APAF1: variants seen among roughly 807,000 people sequenced by gnomAD.
APAF1 encodes the protein apoptotic peptidase activating factor 1, also known as apoptotic protease-activating factor 1.
In APAF1, 91 loss-of-function variants were observed where a neutral mutation model predicts 152.4. That is an observed-to-expected ratio of 0.60 (90% confidence interval 0.50 to 0.71). The LOEUF (loss-of-function observed/expected upper bound fraction) is 0.71. Among genes scored for constraint, APAF1 ranks in the 30% least tolerant of loss-of-function variants. The pLI is 0.00. For missense variants in APAF1, 1,283 were observed against 1,472.0 expected (o/e 0.87, Z 2.10); for synonymous variants, 484 against 494.1 (o/e 0.98, Z 0.27).
intron 2 of APAF1, 43 bp downstream of exon 2, chr12:98,648,540 A>G (rs754208779): frequency 1.1e-5 from 18 of 1,609,206 alleles, no homozygotes; most frequent in Non-Finnish European, 1.5e-5. Flanking sequence ...AAAAATTTTT[A>G]GAATTTCAGA....
At position 98,671,079 on chromosome 12, in the gene APAF1, A is replaced by G. The variant is rs762479508; in HGVS notation, c.1601A>G (p.Asp534Gly). ...TTTGTGGAATACAGACATATACTAG[A>G]TGAAAAGGTATATATATTAACATGA... Reference protein sequence around the residue: ...HEFVEYRHILDEKDCAVSENF... With the variant: ...HEFVEYRHILGEKDCAVSENF... The change falls in exon 11 of 27, where the codon GAT becomes GGT. Residue 534 changes from aspartate to glycine, a missense_variant. Coordinates refer to ENST00000551964, the MANE Select transcript of APAF1 (RefSeq NM_181861.2). 6.4e-7 allele frequency: 1 copy of G among 1,558,478 alleles called. No individual in the cohort carries two copies. The highest frequency in any genetic ancestry group is 1.7e-5 in the Admixed American group (1 of 59,744).
chr12:98,722,626 C>T (rs912471313), intron 22 of APAF1, among the ~76,000 whole-genome samples: 2 of 152,102 alleles, frequency 1.3e-5, no homozygotes, highest in Non-Finnish European at 2.9e-5. Context: ...TTCCTTATGT[C>T]TGAGGAGCTC....
chr12:98,666,728 A>G (rs2097673270), intron 9 of APAF1, among the ~76,000 whole-genome samples: 1 of 152,108 alleles, frequency 6.6e-6, no homozygotes, highest in Non-Finnish European at 1.5e-5. Flanking sequence ...TTTGTACAGT[A>G]TACCCAAATT....
At position 98,671,601 on chromosome 12, in the gene APAF1, C is replaced by T; in HGVS notation, c.1675C>T (p.Pro559Ser). Residue 559 changes from proline to serine, a missense_variant, in exon 12 of 27, where the codon CCA becomes TCA. Pro to Ser is a moderately conservative substitution (Grantham distance 74, BLOSUM62 -1). Coordinates refer to ENST00000551964, the MANE Select transcript of APAF1 (RefSeq NM_181861.2). Reference sequence around the variant, plus strand: ...AAATGGACACCTTCTTGGACGACAGCCATTTCCTAATATTGTACAACTGGG... The same window carrying T: ...AAATGGACACCTTCTTGGACGACAGTCATTTCCTAATATTGTACAACTGGG... ...SLNGHLLGRQPFPNIVQLGLC... is the reference protein window; with the variant it reads ...SLNGHLLGRQSFPNIVQLGLC... 1 of 1,613,866 alleles carries T rather than the reference C, an allele frequency of 6.2e-7. No individual in the cohort carries two copies.
Position 98,703,450 on chromosome 12 carries a change from C to T in APAF1, c.2546C>T (p.Ser849Phe), listed in dbSNP as rs757781136. ...AGCACCATCCAGTACTGTGACTTCTCCCCACAAAACCATTTGGCAGTGGTT... is the reference window on the plus strand; with the variant it reads ...AGCACCATCCAGTACTGTGACTTCTTCCCACAAAACCATTTGGCAGTGGTT... ...HHSTIQYCDFSPQNHLAVVAL... is the reference protein window; with the variant it reads ...HHSTIQYCDFFPQNHLAVVAL... Residue 849 changes from serine (S) to phenylalanine (F), a missense_variant, in exon 18 of 27, where the codon TCC becomes TTC. Physicochemically the swap from Ser to Phe is radical, Grantham distance 155. Coordinates refer to ENST00000551964, the MANE Select transcript of APAF1 (RefSeq NM_181861.2). 31 of 1,614,040 alleles carry T rather than the reference C, an allele frequency of 1.9e-5. No homozygotes were observed. The highest frequency in any genetic ancestry group is 9.3e-5 in the African/African-American group (7 of 74,906).
chr12:98,703,083 A>G (rs1486281173), intron 17 of APAF1, among the ~76,000 whole-genome samples: 1 of 152,156 alleles, frequency 6.6e-6, no homozygotes, highest in African/African-American at 2.4e-5. Context: ...CTGTATGTTA[A>G]TTGGGCCAGT....
Position 98,723,622 on chromosome 12 carries a change from T to TG in APAF1, c.3205-17_3205-16insG, listed in dbSNP as rs765482627. Reference sequence around the variant, plus strand: ...TTAAAAGTGTCAACCTCCAAGTGTTTTTTTTTTTTTTTTAAGGTATGGAAT... The same window carrying TG: ...TTAAAAGTGTCAACCTCCAAGTGTTTGTTTTTTTTTTTTTAAGGTATGGAAT... On this transcript the variant is annotated splice_polypyrimidine_tract_variant and intron_variant, in intron 23 of 26. Transcript: ENST00000551964. 2.7e-6 allele frequency: 4 copies of TG among 1,491,874 alleles called. No homozygotes were observed. Among genetic ancestry groups the TG allele is most frequent in the Non-Finnish European group, 3.6e-6 (4 of 1,098,376 alleles). The allele number at this position is 1,491,874 out of a possible 1,614,324, so 92.4% of individuals were successfully genotyped here.
chr12:98,702,017 G>A (rs1377771327), intron 17 of APAF1, among the ~76,000 whole-genome samples: 1 of 152,078 alleles, frequency 6.6e-6, no homozygotes, highest in African/African-American at 2.4e-5. Context: ...GGCCTCCGGC[G>A]CTACGCTGCC....
At chr12:98,664,462 C>G (rs1315278317) in intron 7 of APAF1, among the ~76,000 whole-genome samples, 1 of 151,864 alleles carries the variant, frequency 6.6e-6, no homozygotes, top group African/African-American at 2.4e-5. Context: ...TTATTAGCAT[C>G]ATGAGAGTAT....
intron 5 of APAF1, among the ~76,000 whole-genome samples, chr12:98,659,839 A>G (rs1403559682): frequency 1.3e-5 from 2 of 152,078 alleles, no homozygotes; most frequent in African/African-American, 4.8e-5. Context: ...ACGAAAAAAA[A>G]AAGTGGCTGC....
rs373754920 is a variant in APAF1, at chr12:98,706,621, T to C, written c.2721+11T>C. 2.2e-5 allele frequency: 35 copies of C among 1,613,672 alleles called. No homozygotes were observed. Among genetic ancestry groups the C allele is most frequent in the Admixed American group, 1.0e-4 (6 of 60,002 alleles). ...GACCAGACAATCAGGGTGAGAAATA[T>C]TGAGATTTTCATTTTGAACATTTCC... On this transcript the variant is annotated intron_variant, in intron 19 of 26. Coordinates refer to ENST00000551964, the MANE Select transcript of APAF1 (RefSeq NM_181861.2).
intron 16 of APAF1, among the ~76,000 whole-genome samples, chr12:98,690,658 G>T (rs137940277): frequency 1.0e-3 from 153 of 152,296 alleles, no homozygotes; most frequent in African/African-American, 3.6e-3. Context: ...AATATAAGTT[G>T]TACAGCTCAG....
At chr12:98,728,587 G>A (rs1270243158) in intron 26 of APAF1, among the ~76,000 whole-genome samples, 6 of 152,228 alleles carry the variant, frequency 3.9e-5, no homozygotes, top group South Asian at 2.1e-4. Flanking sequence ...TGGGTTTTGT[G>A]GCGGGCACCT....
At chr12:98,697,811 A>G (rs1158741726) in intron 16 of APAF1, among the ~76,000 whole-genome samples, 1 of 152,234 alleles carries the variant, frequency 6.6e-6, no homozygotes, top group Admixed American at 6.5e-5. Flanking sequence ...TTTTGAGAGG[A>G]TGAAAACTGT....
intron 17 of APAF1, among the ~76,000 whole-genome samples, chr12:98,701,289 C>T (rs1302956051): frequency 6.6e-6 from 1 of 152,016 alleles, no homozygotes; most frequent in Non-Finnish European, 1.5e-5. Flanking sequence ...GGTTTGTTTC[C>T]ACCTTTTGGC....
chr12:98,667,492 A>T (rs933833210), intron 9 of APAF1, 21 bp from the exon 10 acceptor site: 5 of 1,612,188 alleles, frequency 3.1e-6, no homozygotes, highest in South Asian at 1.1e-5. Context: ...CTGGCTTCTG[A>T]AACGTTTCAT....
At chr12:98,675,432 A>G (rs2097685449) in intron 12 of APAF1, among the ~76,000 whole-genome samples, 1 of 152,198 alleles carries the variant, frequency 6.6e-6, no homozygotes, top group South Asian at 2.1e-4. Flanking sequence ...TCATCACTCT[A>G]GTTCTTATAT....
At position 98,671,705 on chromosome 12, in the gene APAF1, T is replaced by C. The variant is rs771546198; in HGVS notation, c.1779T>C (p.Leu593=). 3 of 1,614,076 alleles carry C rather than the reference T, an allele frequency of 1.9e-6. No individual in the cohort carries two copies. Among genetic ancestry groups the C allele is most frequent in the Admixed American group, 3.3e-5 (2 of 60,008 alleles). ...AGCAGGAGGTCGATAATGGAATGCT[T>C]TACCTGGAATGGATGTAAGTAGGTT... The part of the protein sequence containing the change: ...QAKQEVDNGM[L]YLEWINKKNI... Residue 593 remains leucine (L), a synonymous_variant, in exon 12 of 27, where the codon CTT becomes CTC. Coordinates refer to ENST00000551964, the MANE Select transcript of APAF1 (RefSeq NM_181861.2).
chr12:98,669,136 C>G (rs778379007), intron 10 of APAF1, among the ~76,000 whole-genome samples: 2 of 151,946 alleles, frequency 1.3e-5, no homozygotes, highest in African/African-American at 2.4e-5. Flanking sequence ...TACTTGTGCC[C>G]TAATTTACTT....
Sources: gnomAD v4.1 joint callset for allele counts (sites outside exome capture counted in the v4.1 genomes callset) on GRCh38, gnomAD v4.1.1 for gene constraint, MANE v1.5 for transcripts, NCBI Gene and HGNC (gene_info 2026-07-23, HGNC 2026-07-21) for gene names.